ZNF343: variants seen among roughly 807,000 people sequenced by gnomAD.
ZNF343 encodes the protein zinc finger protein 343.
ZNF343 carries 11 observed loss-of-function variants against 13.8 expected under a neutral mutation model. The ratio of observed to expected loss-of-function variants is 0.80; its 90% CI spans 0.50 to 1.32. ZNF343 has a LOEUF of 1.32. ZNF343 is among the 40% of genes most tolerant of loss of function. The pLI, the probability that ZNF343 is intolerant of heterozygous loss-of-function variation, is 0.00. For synonymous variants in ZNF343, 248 were observed against 260.0 expected, an observed-to-expected ratio of 0.95 and a Z score of 0.44; for missense variants, 658 against 714.2, an observed-to-expected ratio of 0.92 and a Z score of 0.90.
upstream of ZNF343, among the ~76,000 whole-genome samples, chr20:2,509,785 G>A (rs200182695): frequency 5.3e-5 from 8 of 152,324 alleles, no homozygotes; most frequent in East Asian, 1.5e-3. Flanking sequence ...TAGGAGGCGC[G>A]TTTAAATCTT....
Position 2,502,616 on chromosome 20 carries a change from G to A in ZNF343, c.-236-1874C>T, listed in dbSNP as rs919566031. ...CCATCAGACTAACAGCTGATCTCTC[G>A]GCAGAAACTCTACAAGCCAGAAGAG... On this transcript the variant is annotated intron_variant, in intron 1 of 5. Coordinates refer to ENST00000278772, the MANE Select transcript of ZNF343 (RefSeq NM_024325.6). Among the ~76,000 whole-genome samples the A allele has an allele frequency of 6.1e-4, 93 of 152,180 alleles. 1 individual carries two copies. Among genetic ancestry groups the A allele is most frequent in the South Asian group, 1.2e-3 (6 of 4,820 alleles).
chr20:2,483,604 T>C lies in ZNF343; in HGVS notation c.1357A>G (p.Ile453Val), dbSNP rs1404836525. 2 of 1,613,590 alleles carry C rather than the reference T, an allele frequency of 1.2e-6. No individual in the cohort carries two copies. Among genetic ancestry groups the C allele is most frequent in the African/African-American group, 2.7e-5 (2 of 74,802 alleles). Residue 453 changes from isoleucine to valine, a missense_variant, in exon 6 of 6, where the codon ATC becomes GTC. Transcript: ENST00000278772. The stretch of plus-strand genomic sequence containing the variant: ...CCAGAGTGCGTCCGCTCGTGTATGA[T>C]GAGGGTTGACTTGTCACAAAAGCCT... The part of the protein sequence containing the change: ...GRGFCDKSTL[I>V]IHERTHSGEK...
chr20:2,493,413 C>G, intron 4 of ZNF343, 106 bp downstream of exon 4: 1 of 1,053,628 alleles, frequency 9.5e-7, no homozygotes, highest in Non-Finnish European at 1.5e-6. Flanking sequence ...ACTCATCTAC[C>G]CAGATGTTGA....
rs375913392 is a variant in ZNF343 at position 2,484,109 on chromosome 20, G to A, written c.852C>T (p.Leu284=). The A allele has an allele frequency of 3.8e-5, 62 of 1,614,224 alleles. No homozygotes were observed. The highest frequency in any genetic ancestry group is 1.6e-4 in the Middle Eastern group (1 of 6,062). ...TCGAGTGTATACGATGGTGTCTGAT[G>A]AGGGTTGATCTATCTTTAAAGCTTC... ...CGRSFKDRST[L]IRHHRIHSME... is the part of the protein sequence containing the mutation. Residue 284 remains leucine, a synonymous_variant, in exon 6 of 6, where the codon CTC becomes CTT. Coordinates refer to ENST00000278772, the MANE Select transcript of ZNF343 (RefSeq NM_024325.6).
chr20:2,519,580 A>ATG (rs1041452332), intron 1 of ZNF343, among the ~76,000 whole-genome samples: 1 of 152,010 alleles, frequency 6.6e-6, no homozygotes, highest in African/African-American at 2.4e-5. Flanking sequence ...AAATCTCCAT[A>ATG]TGTGTGTGTG....
At chr20:2,492,654 A>G in intron 5 of ZNF343, 45 bp downstream of exon 5, 1 of 1,589,312 alleles carries the variant, frequency 6.3e-7, no homozygotes, top group Non-Finnish European at 8.5e-7. Flanking sequence ...GTGATCAGTA[A>G]ATCTCTACTG....
At position 2,483,298 on chromosome 20, in the gene ZNF343, C is replaced by T; in HGVS notation, c.1663G>A (p.Gly555Ser). 1.2e-6 allele frequency: 2 copies of T among 1,610,826 alleles called. No homozygotes were observed. The highest frequency in any genetic ancestry group is 1.7e-6 in the Non-Finnish European group (2 of 1,179,182). ...GEKPYVCSEC[G>S]RGFSRKSLLL... Reference sequence around the variant, plus strand: ...AGTGATTTCCGGCTAAAGCCTCGGCCACACTCACTGCACACGTAAGGCTTC... The same window carrying T: ...AGTGATTTCCGGCTAAAGCCTCGGCTACACTCACTGCACACGTAAGGCTTC... Residue 555 changes from glycine (G) to serine (S), a missense_variant, in exon 6 of 6, where the codon GGC (glycine) becomes AGC (serine). By Grantham distance (56) the Gly-to-Ser change is moderately conservative. Transcript: ENST00000278772.
Position 2,492,715 on chromosome 20 carries a change from C to A in ZNF343, c.288G>T (p.Arg96Ser). 5 of 1,610,648 alleles carry A rather than the reference C, an allele frequency of 3.1e-6. No homozygotes were observed. Among genetic ancestry groups the A allele is most frequent in the Non-Finnish European group, 4.2e-6 (5 of 1,179,070 alleles). ...CAGCCTTACCCAATGAGAGAAGATT[C>A]CTGTAATTCTCCAGCATCACTTCTT... ...LYKEVMLENY[R>S]NLLSLAEPKP... The change falls in exon 5 of 6, where the codon AGG (arginine) becomes AGT (serine). Residue 96 changes from arginine to serine, a missense_variant. Physicochemically the swap from Arg to Ser is moderately radical, Grantham distance 110. Coordinates refer to ENST00000278772, the MANE Select transcript of ZNF343 (RefSeq NM_024325.6).
chr20:2,511,117 CT>C (rs111424405), upstream of ZNF343, among the ~76,000 whole-genome samples: 2,168 of 142,726 alleles, frequency 0.015, 32 homozygotes, highest in African/African-American at 0.048. Context: ...CTTTTCCTTT[CT>C]TTTTTTTTTT....
At position 2,515,693 on chromosome 20, in the gene ZNF343, T is replaced by C. The variant is rs371265860; in HGVS notation, c.-347+8762A>G. 2.0e-5 allele frequency among the ~76,000 whole-genome samples: 3 copies of C among 152,332 alleles called. No individual in the cohort carries two copies. The East Asian group carries it at 5.8e-4, about 29-fold the overall frequency. On this transcript the variant is annotated intron_variant, in intron 1 of 6. Transcript: ENST00000358413. ...ACTTGTCAGTAGTTCTTACTAGTTA[T>C]ATGAACAAGAAATAAGCTGTAGTTA... is the stretch of plus-strand genomic sequence containing the variant.
intron 1 of ZNF343, among the ~76,000 whole-genome samples, chr20:2,505,395 TGCCATCCCCATCAA>T (rs1264980581): frequency 1.3e-5 from 2 of 152,200 alleles, no homozygotes; most frequent in African/African-American, 4.8e-5. Context: ...ATAGATTCAG[TGCCATCCCCATCAA>T]GCTACCAATG....
intron 2 of ZNF343, among the ~76,000 whole-genome samples, chr20:2,499,191 C>T (rs1022568525): frequency 9.7e-5 from 14 of 144,812 alleles, no homozygotes; most frequent in Admixed American, 3.4e-4. Flanking sequence ...CTCTTCCGGG[C>T]GCGGTGGCTC....
intron 5 of ZNF343, 111 bp downstream of exon 5, chr20:2,492,587 AT>A: frequency 1.5e-6 from 2 of 1,356,658 alleles, no homozygotes; most frequent in South Asian, 2.6e-5. Flanking sequence ...AGGGATTACG[AT>A]TTTGTTTACT....
chr20:2,519,198 T>A (rs2085772524), intron 1 of ZNF343, among the ~76,000 whole-genome samples: 1 of 152,132 alleles, frequency 6.6e-6, no homozygotes, highest in Non-Finnish European at 1.5e-5. Flanking sequence ...AAATACCCCG[T>A]GACCTACCCC....
intron 2 of ZNF343, chr20:2,495,338 C>T (rs1186965537): frequency 6.6e-6 from 1 of 152,158 alleles, no homozygotes; most frequent in Non-Finnish European, 1.5e-5. Context: ...ATTTTATCAT[C>T]GTTCCCAATT....
intron 4 of ZNF343, 101 bp downstream of exon 4, chr20:2,493,418 T>C (rs1406959863): frequency 8.9e-7 from 1 of 1,129,122 alleles, no homozygotes; most frequent in African/African-American, 1.5e-5. Flanking sequence ...TCTACCCAGA[T>C]GTTGACCGCC....
intron 1 of ZNF343, among the ~76,000 whole-genome samples, chr20:2,502,866 T>C (rs1322113486): frequency 1.3e-5 from 2 of 152,122 alleles, no homozygotes. Context: ...ACATGCCAAA[T>C]TGTAAAGACC....
chr20:2,514,604 AT>A (rs1453394161), intron 1 of ZNF343, among the ~76,000 whole-genome samples: 1 of 152,220 alleles, frequency 6.6e-6, no homozygotes, highest in East Asian at 1.9e-4. Context: ...ATTTGTAAAA[AT>A]AAGCAGTCTA....
chr20:2,505,903 C>CACCA (rs1366877256), intron 1 of ZNF343, among the ~76,000 whole-genome samples: 1 of 152,216 alleles, frequency 6.6e-6, no homozygotes, highest in African/African-American at 2.4e-5. Flanking sequence ...ATGTCTAAAA[C>CACCA]ACCAAAAGCA....
Sources: gnomAD v4.1 joint callset for allele counts (sites outside exome capture counted in the v4.1 genomes callset) on GRCh38, gnomAD v4.1.1 for gene constraint, MANE v1.5 for transcripts, NCBI Gene and HGNC (gene_info 2026-07-23, HGNC 2026-07-21) for gene names.